The following EXOC4 variants were observed in gnomAD, a reference collection of about 807,000 sequenced individuals.
The protein encoded by EXOC4 is exocyst complex component 4.
In EXOC4, 71 loss-of-function variants were observed where a neutral mutation model predicts 107.2. The observed-to-expected ratio is 0.66, with a 90% CI of 0.55 to 0.81. EXOC4 has a LOEUF of 0.81. EXOC4 is among the 30% of genes least tolerant of loss of function. The pLI is 0.00. For synonymous variants in EXOC4, 456 were observed against 441.2 expected (o/e 1.03, Z -0.42); for missense variants, 1,108 against 1,189.6 (o/e 0.93, Z 1.01).
intron 10 of EXOC4, among the ~76,000 whole-genome samples, chr7:133,717,678 CACAT>C (rs1466603660): frequency 2.0e-5 from 3 of 152,156 alleles, no homozygotes; most frequent in Non-Finnish European, 2.9e-5. Flanking sequence ...TATACTTACA[CACAT>C]ACACACACAA....
chr7:133,375,353 G>T (rs1796466342), intron 7 of EXOC4, among the ~76,000 whole-genome samples: 1 of 152,106 alleles, frequency 6.6e-6, no homozygotes, highest in Admixed American at 6.5e-5. Flanking sequence ...GCGGGCGCCT[G>T]TAATCTCAGT....
rs187619444 is a variant in EXOC4 at position 133,734,700 on chromosome 7, T to C, written c.1515-82625T>C. 1.4e-4 allele frequency among the ~76,000 whole-genome samples: 22 copies of C among 152,188 alleles called. No individual in the cohort carries two copies. In the East Asian group the frequency reaches 3.9e-3, roughly 27 times the overall value. On this transcript the variant is annotated intron_variant, in intron 10 of 17. Coordinates refer to ENST00000253861, the MANE Select transcript of EXOC4 (RefSeq NM_021807.4). ...CATGACATTCAAAGGAAATGCTCAT[T>C]TGGAGTATTTTGGATCTTGGATTTC...
intron 15 of EXOC4, among the ~76,000 whole-genome samples, chr7:134,001,934 C>CT (rs1794539588): frequency 6.6e-6 from 1 of 152,204 alleles, no homozygotes; most frequent in Admixed American, 6.5e-5. Flanking sequence ...GTCATAATGT[C>CT]TGTCATTTAC....
intron 10 of EXOC4, among the ~76,000 whole-genome samples, chr7:133,688,652 A>G (rs62471410): frequency 0.028 from 4,300 of 152,316 alleles, 86 homozygotes; most frequent in Non-Finnish European, 0.043. Flanking sequence ...TCTGCCTTAG[A>G]AAAATAAAAC....
chr7:133,661,093 G>T (rs191073891), intron 10 of EXOC4, among the ~76,000 whole-genome samples: 240 of 152,204 alleles, frequency 1.6e-3, no homozygotes, highest in African/African-American at 5.3e-3. Context: ...AAAATGCCAG[G>T]CAGGGCATTT....
intron 7 of EXOC4, among the ~76,000 whole-genome samples, chr7:133,445,099 C>T (rs1182282141): frequency 6.6e-6 from 1 of 151,978 alleles, no homozygotes; most frequent in Non-Finnish European, 1.5e-5. Context: ...ACAAGTTCCT[C>T]CTGTCATGTA....
chr7:133,422,675 A>C (rs1453861437), intron 7 of EXOC4, among the ~76,000 whole-genome samples: 1 of 152,218 alleles, frequency 6.6e-6, no homozygotes, highest in Non-Finnish European at 1.5e-5. Context: ...GACCCAGTTC[A>C]GAATGACATT....
intron 9 of EXOC4, among the ~76,000 whole-genome samples, chr7:133,622,865 G>A (rs1802367230): frequency 6.6e-6 from 1 of 152,038 alleles, no homozygotes; most frequent in Admixed American, 6.6e-5. Flanking sequence ...ATGATACTAA[G>A]CACATTGTAG....
intron 17 of EXOC4, among the ~76,000 whole-genome samples, chr7:134,027,696 A>C (rs2116458166): frequency 6.7e-6 from 1 of 149,730 alleles, no homozygotes; most frequent in Admixed American, 6.6e-5. Context: ...CTGACTTTGT[A>C]GTTCTCATGG....
rs866605809 is a variant in EXOC4 at position 133,510,026 on chromosome 7, A to G, written c.1417+29888A>G. 1.0e-3 allele frequency among the ~76,000 whole-genome samples: 156 copies of G among 152,346 alleles called. 1 individual carries two copies. The highest frequency in any genetic ancestry group is 3.5e-3 in the African/African-American group (147 of 41,586). ...CATAAAATTCACTGCTTTTAAATTTACAATTCAGCAGTTTTTAGTGAATTT... is the reference window on the plus strand; with the variant it reads ...CATAAAATTCACTGCTTTTAAATTTGCAATTCAGCAGTTTTTAGTGAATTT... On this transcript the variant is annotated intron_variant, in intron 9 of 17. Coordinates refer to ENST00000253861, the MANE Select transcript of EXOC4 (RefSeq NM_021807.4).
intron 4 of EXOC4, among the ~76,000 whole-genome samples, chr7:133,308,542 A>C (rs1794803170): frequency 6.6e-6 from 1 of 152,198 alleles, no homozygotes; most frequent in African/African-American, 2.4e-5. Flanking sequence ...GTGAGAAAGT[A>C]AATTTCTGTT....
chr7:133,565,311 T>C (rs1454437868), intron 9 of EXOC4, among the ~76,000 whole-genome samples: 3 of 152,186 alleles, frequency 2.0e-5, no homozygotes, highest in Admixed American at 2.0e-4. Flanking sequence ...CAGTAGTCAA[T>C]AATTATAGTC....
intron 11 of EXOC4, among the ~76,000 whole-genome samples, chr7:133,823,841 T>A (rs867805848): frequency 1.1e-3 from 10 of 8,848 alleles, no homozygotes; most frequent in African/African-American, 4.0e-3. Flanking sequence ...TATATATATA[T>A]ATTATATATA....
At chr7:133,669,801 G>A (rs562919181) in intron 10 of EXOC4, among the ~76,000 whole-genome samples, 15 of 152,286 alleles carry the variant, frequency 9.8e-5, no homozygotes, top group South Asian at 8.3e-4. Flanking sequence ...CTTGAAGGGC[G>A]TCAGGAGACA....
intron 11 of EXOC4, among the ~76,000 whole-genome samples, chr7:133,823,881 TA>T (rs1402967016): frequency 1.5e-4 from 3 of 19,830 alleles, no homozygotes; most frequent in Non-Finnish European, 2.3e-4. Flanking sequence ...ATTATATATA[TA>T]TATATATATA....
At chr7:133,394,063 T>C (rs920496928) in intron 7 of EXOC4, among the ~76,000 whole-genome samples, 1 of 152,194 alleles carries the variant, frequency 6.6e-6, no homozygotes, top group African/African-American at 2.4e-5. Flanking sequence ...TATGAAATGA[T>C]GTCATGAAAT....
At chr7:133,829,500 C>T (rs1218016289) in intron 11 of EXOC4, among the ~76,000 whole-genome samples, 2 of 152,182 alleles carry the variant, frequency 1.3e-5, no homozygotes, top group Admixed American at 1.3e-4. Context: ...TGGGTGATGA[C>T]ATCATGGCTG....
At chr7:134,036,919 G>C (rs546926042) in intron 17 of EXOC4, among the ~76,000 whole-genome samples, 20 of 152,244 alleles carry the variant, frequency 1.3e-4, no homozygotes, top group African/African-American at 4.8e-4. Flanking sequence ...TTACACTTTA[G>C]GGTGGTTGTA....
intron 11 of EXOC4, among the ~76,000 whole-genome samples, chr7:133,823,768 A>G (rs189406530): frequency 7.1e-6 from 1 of 140,562 alleles, no homozygotes; most frequent in East Asian, 2.1e-4. Flanking sequence ...GTGAGCCAAG[A>G]TAGCGCCACT....
Sources: gnomAD v4.1 joint callset for allele counts (sites outside exome capture counted in the v4.1 genomes callset) on GRCh38, gnomAD v4.1.1 for gene constraint, MANE v1.5 for transcripts, NCBI Gene and HGNC (gene_info 2026-07-23, HGNC 2026-07-21) for gene names.